EXOC6B: variants seen among roughly 807,000 people sequenced by gnomAD.
EXOC6B encodes the protein exocyst complex component 6B.
In EXOC6B, 54 loss-of-function variants were observed where a neutral mutation model predicts 113.5. The ratio of observed to expected loss-of-function variants is 0.48; its 90% CI spans 0.38 to 0.60. The LOEUF is 0.60. Among genes scored for constraint, EXOC6B ranks in the 20% least tolerant of loss-of-function variants. The pLI, the probability that EXOC6B is intolerant of heterozygous loss-of-function variation, is 0.00. For missense variants in EXOC6B, 797 were observed against 977.5 expected, an observed-to-expected ratio of 0.82 and a Z score of 2.46; for synonymous variants, 357 against 339.0, an observed-to-expected ratio of 1.05 and a Z score of -0.58.
At chr2:72,529,847 T>C (rs1345055501) in intron 8 of EXOC6B, among the ~76,000 whole-genome samples, 6 of 152,166 alleles carry the variant, frequency 3.9e-5, no homozygotes, top group South Asian at 2.1e-4. Context: ...ATTGGGTGAA[T>C]TGTGATAGTT....
rs184580661 is a variant in EXOC6B at position 72,693,936 on chromosome 2, G to A, written c.669+24167C>T. 5.9e-5 allele frequency among the ~76,000 whole-genome samples: 9 copies of A among 151,596 alleles called. No homozygotes were observed. In the East Asian group the frequency reaches 1.7e-3, roughly 29 times the overall value. ...AAAAATATATCCAAATCCCTTTAAG[G>A]AACTGATGGTTTCTCTATCCTAACT... On this transcript the variant is annotated intron_variant, in intron 6 of 21. Coordinates refer to ENST00000272427, the MANE Select transcript of EXOC6B (RefSeq NM_015189.3).
At chr2:72,645,368 T>C (rs868137503) in intron 6 of EXOC6B, among the ~76,000 whole-genome samples, 5 of 152,176 alleles carry the variant, frequency 3.3e-5, no homozygotes, top group Middle Eastern at 3.4e-3. Context: ...ACTGTCAATA[T>C]TAGACAGATA....
chr2:72,697,519 A>G (rs1171927854), intron 6 of EXOC6B, among the ~76,000 whole-genome samples: 1 of 152,002 alleles, frequency 6.6e-6, no homozygotes, highest in African/African-American at 2.4e-5. Context: ...ACCTATCTCT[A>G]CAAAAAATAC....
intron 20 of EXOC6B, among the ~76,000 whole-genome samples, chr2:72,186,493 T>C (rs540945039): frequency 6.6e-6 from 1 of 151,650 alleles, no homozygotes; most frequent in African/African-American, 2.4e-5. Flanking sequence ...GGGAAAGAAC[T>C]ATGAAAAAGG....
intron 20 of EXOC6B, among the ~76,000 whole-genome samples, chr2:72,331,636 A>G (rs1039803676): frequency 3.3e-5 from 5 of 152,132 alleles, no homozygotes; most frequent in Non-Finnish European, 4.4e-5. Flanking sequence ...TTATAAAGAT[A>G]GAAAACACAA....
intron 18 of EXOC6B, among the ~76,000 whole-genome samples, chr2:72,417,308 G>A (rs1467406249): frequency 6.6e-6 from 1 of 152,042 alleles, no homozygotes; most frequent in African/African-American, 2.4e-5. Flanking sequence ...TCTTGCCTCA[G>A]CCTTTAGAGC....
chr2:72,792,455 G>A (rs1684727190), intron 1 of EXOC6B, among the ~76,000 whole-genome samples: 1 of 152,084 alleles, frequency 6.6e-6, no homozygotes. Context: ...ATGTTTCCTT[G>A]TCGTTACCAT....
chr2:72,449,947 T>C (rs1394001858), intron 18 of EXOC6B, among the ~76,000 whole-genome samples: 1 of 152,210 alleles, frequency 6.6e-6, no homozygotes, highest in East Asian at 1.9e-4. Flanking sequence ...CTCTTATTTA[T>C]CTCTGTCTAA....
At chr2:72,267,404 A>G (rs1684193016) in intron 20 of EXOC6B, among the ~76,000 whole-genome samples, 1 of 152,164 alleles carries the variant, frequency 6.6e-6, no homozygotes, top group Non-Finnish European at 1.5e-5. Context: ...TGTCATAGAT[A>G]GCTCTTATTA....
chr2:72,193,099 T>C (rs909738456), intron 20 of EXOC6B, among the ~76,000 whole-genome samples: 32 of 152,186 alleles, frequency 2.1e-4, no homozygotes, highest in African/African-American at 7.5e-4. Context: ...ATTTTCATAA[T>C]CACTGATCCA....
intron 6 of EXOC6B, among the ~76,000 whole-genome samples, chr2:72,633,024 A>C (rs1672577779): frequency 6.6e-6 from 1 of 152,216 alleles, no homozygotes; most frequent in Non-Finnish European, 1.5e-5. Flanking sequence ...TCCTGAAACT[A>C]GAATGAACTT....
At chr2:72,656,628 C>A (rs763064817) in intron 6 of EXOC6B, among the ~76,000 whole-genome samples, 40 of 151,998 alleles carry the variant, frequency 2.6e-4, no homozygotes, top group Non-Finnish European at 5.4e-4. Context: ...AAAAGCTCCC[C>A]CCTTATTGAG....
chr2:72,233,114 A>G (rs2104474160), intron 20 of EXOC6B, among the ~76,000 whole-genome samples: 1 of 152,206 alleles, frequency 6.6e-6, no homozygotes, highest in East Asian at 1.9e-4. Context: ...ACCCTAGTAC[A>G]TAAGATACCC....
At chr2:72,730,362 C>G (rs562778130) in intron 5 of EXOC6B, among the ~76,000 whole-genome samples, 123 of 152,216 alleles carry the variant, frequency 8.1e-4, no homozygotes, top group African/African-American at 2.9e-3. Context: ...CATTCCACCA[C>G]AGGTGAAAAC....
rs748986703 is a variant in EXOC6B, at chr2:72,499,945, A to G, written c.1195T>C (p.Leu399=). 7.1e-6 allele frequency: 11 copies of G among 1,553,026 alleles called. No homozygotes were observed. Among genetic ancestry groups the G allele is most frequent in the Admixed American group, 2.0e-5 (1 of 51,230 alleles). ...SSYCSDPNLV[L]DLKNLIVLFA... ...AGCACAATGAGGTTCTTCAAATCTA[A>G]CACAAGGTTTGGATCAGAACAGTAA... The change falls in exon 12 of 22, where the codon TTA becomes CTA. Residue 399 remains leucine, a synonymous_variant. Transcript: ENST00000272427.
intron 6 of EXOC6B, among the ~76,000 whole-genome samples, chr2:72,678,571 T>C (rs1300705910): frequency 6.6e-6 from 1 of 152,142 alleles, no homozygotes. Context: ...CCAGGTATGC[T>C]TGCACACAAC....
intron 6 of EXOC6B, among the ~76,000 whole-genome samples, chr2:72,604,608 G>C (rs1225938079): frequency 6.6e-6 from 1 of 152,164 alleles, no homozygotes; most frequent in Non-Finnish European, 1.5e-5. Context: ...ATAGAAACAA[G>C]ATTTGAAGGC....
At chr2:72,360,912 T>C (rs3106878) in intron 19 of EXOC6B, among the ~76,000 whole-genome samples, 143,046 of 144,750 alleles carry the variant, frequency 0.99, 70,685 homozygotes, top group East Asian at 1. Flanking sequence ...GCCTGGGCGA[T>C]AAAGGAAGAC....
chr2:72,546,017 C>T (rs1000944589), intron 8 of EXOC6B, among the ~76,000 whole-genome samples: 15 of 152,132 alleles, frequency 9.9e-5, no homozygotes, highest in Admixed American at 3.3e-4. Flanking sequence ...CTATGGTTTC[C>T]GTAGTTTCTC....
Sources: gnomAD v4.1 joint callset for allele counts (sites outside exome capture counted in the v4.1 genomes callset) on GRCh38, gnomAD v4.1.1 for gene constraint, MANE v1.5 for transcripts, NCBI Gene and HGNC (gene_info 2026-07-23, HGNC 2026-07-21) for gene names.